Variants in NPAS3 observed in about 807,000 individuals in gnomAD.
NPAS3 encodes the protein neuronal PAS domain-containing protein 3.
In NPAS3, 14 loss-of-function variants were observed where a neutral mutation model predicts 73.1. The ratio of observed to expected loss-of-function variants is 0.19; its 90% CI spans 0.13 to 0.30. The LOEUF is 0.30. Ranked by LOEUF, NPAS3 falls within the 10% of genes least tolerant of loss-of-function variation. The probability of loss-of-function intolerance (pLI) is 1.00; values close to 1 mark genes in which losing one functional copy is unlikely to be tolerated. For synonymous variants in NPAS3, 620 were observed against 541.5 expected, an observed-to-expected ratio of 1.14 and a Z score of -2.01; for missense variants, 1,096 against 1,250.0, an observed-to-expected ratio of 0.88 and a Z score of 1.86.
intron 9 of NPAS3, among the ~76,000 whole-genome samples, chr14:33,783,112 G>A (rs1022964692): frequency 3.3e-4 from 50 of 152,112 alleles, no homozygotes; most frequent in African/African-American, 1.1e-3. Context: ...TGCCCTGCCT[G>A]CCTAGGCAAC....
chr14:33,043,499 A>G (rs1409148594), intron 1 of NPAS3, among the ~76,000 whole-genome samples: 1 of 152,122 alleles, frequency 6.6e-6, no homozygotes, highest in Non-Finnish European at 1.5e-5. Context: ...CCAAAGCTGA[A>G]ATGTTTTGGC....
intron 4 of NPAS3, among the ~76,000 whole-genome samples, chr14:33,415,192 A>G (rs2048097634): frequency 1.3e-5 from 2 of 152,046 alleles, no homozygotes; most frequent in African/African-American, 4.8e-5. Flanking sequence ...TTTATCTGCA[A>G]TTTTTATTTA....
chr14:33,464,324 A>G (rs964985622), intron 4 of NPAS3, among the ~76,000 whole-genome samples: 1 of 151,988 alleles, frequency 6.6e-6, no homozygotes, highest in African/African-American at 2.4e-5. Flanking sequence ...TTTTATTTTC[A>G]TGGTTCAAAT....
intron 1 of NPAS3, among the ~76,000 whole-genome samples, chr14:32,977,380 A>ACC (rs2037731212): frequency 1.3e-5 from 2 of 150,814 alleles, no homozygotes; most frequent in South Asian, 2.1e-4. Flanking sequence ...ACACACACAC[A>ACC]CCCCTAATCT....
intron 5 of NPAS3, among the ~76,000 whole-genome samples, chr14:33,660,156 G>C (rs970181542): frequency 2.0e-5 from 3 of 152,138 alleles, no homozygotes; most frequent in African/African-American, 7.2e-5. Flanking sequence ...AATAAAAATG[G>C]ACAGTTTGCC....
chr14:33,008,925 A>C (rs1275883702), intron 1 of NPAS3, among the ~76,000 whole-genome samples: 10 of 152,168 alleles, frequency 6.6e-5, no homozygotes, highest in Admixed American at 6.5e-4. Flanking sequence ...TTGATAGGGA[A>C]GCTTATTTTG....
At chr14:33,352,473 CT>C in intron 3 of NPAS3, among the ~76,000 whole-genome samples, 1 of 152,320 alleles carries the variant, frequency 6.6e-6, no homozygotes, top group African/African-American at 2.4e-5. Flanking sequence ...ACATTTAACC[CT>C]TGCCACAACT....
At chr14:33,461,089 C>T (rs1002440225) in intron 4 of NPAS3, among the ~76,000 whole-genome samples, 9 of 152,278 alleles carry the variant, frequency 5.9e-5, no homozygotes, top group East Asian at 3.9e-4. Context: ...TAATTAAGTA[C>T]GTTCAAAGCC....
At chr14:33,216,735 CACA>C (rs1189960048) in intron 3 of NPAS3, among the ~76,000 whole-genome samples, 1 of 152,130 alleles carries the variant, frequency 6.6e-6, no homozygotes, top group African/African-American at 2.4e-5. Flanking sequence ...AGGCAGCAGC[CACA>C]ACATTTGTCC....
chr14:33,564,729 A>G (rs2055840284), intron 5 of NPAS3, among the ~76,000 whole-genome samples: 1 of 152,256 alleles, frequency 6.6e-6, no homozygotes, highest in African/African-American at 2.4e-5. Context: ...ACATCCTCTG[A>G]AAACATTTTT....
At chr14:33,072,414 C>G (rs747852457) in intron 2 of NPAS3, among the ~76,000 whole-genome samples, 4 of 152,036 alleles carry the variant, frequency 2.6e-5, no homozygotes, top group Non-Finnish European at 4.4e-5. Context: ...TTTAGATCAA[C>G]CTATAATATG....
chr14:33,587,107 A>G (rs1052966933), intron 5 of NPAS3, among the ~76,000 whole-genome samples: 2 of 152,170 alleles, frequency 1.3e-5, no homozygotes, highest in African/African-American at 4.8e-5. Flanking sequence ...TTTCCCCTAC[A>G]TATAGTAATT....
chr14:32,981,098 G>A (rs2037879294), intron 1 of NPAS3, among the ~76,000 whole-genome samples: 1 of 152,164 alleles, frequency 6.6e-6, no homozygotes, highest in South Asian at 2.1e-4. Context: ...GGAGTTAGCA[G>A]TGAGTTTGCA....
chr14:33,032,721 C>T (rs1280956827), intron 1 of NPAS3, among the ~76,000 whole-genome samples: 1 of 152,244 alleles, frequency 6.6e-6, no homozygotes, highest in African/African-American at 2.4e-5. Context: ...GCACTGACTG[C>T]ATATTCTTAC....
chr14:33,542,612 T>A (rs535712513), intron 4 of NPAS3, among the ~76,000 whole-genome samples: 1 of 152,358 alleles, frequency 6.6e-6, no homozygotes, highest in African/African-American at 2.4e-5. Context: ...CTGAATTTAC[T>A]TGAGATCTAA....
intron 5 of NPAS3, among the ~76,000 whole-genome samples, chr14:33,673,426 G>A (rs895287401): frequency 1.3e-5 from 2 of 152,146 alleles, no homozygotes; most frequent in African/African-American, 4.8e-5. Flanking sequence ...TGCCAGTATT[G>A]TTATTGTTAA....
intron 2 of NPAS3, among the ~76,000 whole-genome samples, chr14:33,113,880 T>C (rs1275754553): frequency 2.6e-5 from 4 of 152,194 alleles, no homozygotes; most frequent in African/African-American, 9.6e-5. Context: ...AGCATGAAGG[T>C]TGTTGAATTT....
chr14:32,945,469 G>A (rs2036212092), intron 1 of NPAS3, among the ~76,000 whole-genome samples: 1 of 152,178 alleles, frequency 6.6e-6, no homozygotes, highest in Non-Finnish European at 1.5e-5. Context: ...TATGAGGGAA[G>A]TGCTAATATC....
chr14:33,053,026 G>T (rs182850149), intron 1 of NPAS3, among the ~76,000 whole-genome samples: 1 of 152,276 alleles, frequency 6.6e-6, no homozygotes, highest in African/African-American at 2.4e-5. Flanking sequence ...TTTCAACTGG[G>T]CTGTTCAGAG....
Sources: gnomAD v4.1 joint callset for allele counts (sites outside exome capture counted in the v4.1 genomes callset) on GRCh38, gnomAD v4.1.1 for gene constraint, MANE v1.5 for transcripts, NCBI Gene and HGNC (gene_info 2026-07-23, HGNC 2026-07-21) for gene names.